COPS5: variants seen among roughly 807,000 people sequenced by gnomAD.
COPS5 encodes the protein COP9 signalosome subunit 5.
In COPS5, 8 loss-of-function variants were observed where a neutral mutation model predicts 44.4. The ratio of observed to expected loss-of-function variants is 0.18; its 90% CI spans 0.11 to 0.32. The LOEUF (loss-of-function observed/expected upper bound fraction) is 0.32, where lower values mean the gene tolerates loss of function less well. Among genes scored for constraint, COPS5 ranks in the 10% least tolerant of loss-of-function variants. The pLI is 1.00. For missense variants in COPS5, 159 were observed against 406.4 expected, an observed-to-expected ratio of 0.39 and a Z score of 5.23; for synonymous variants, 122 against 142.8, an observed-to-expected ratio of 0.85 and a Z score of 1.04.
chr8:67,052,764 G>A (rs1295543143), intron 5 of COPS5, among the ~76,000 whole-genome samples: 1 of 148,850 alleles, frequency 6.7e-6, no homozygotes, highest in East Asian at 2.1e-4. Context: ...AGGTTGAAGT[G>A]AGCCGAGATC....
At chr8:67,057,358 T>TC in intron 4 of COPS5, 22 bp downstream of exon 4, 1 of 1,543,144 alleles carries the variant, frequency 6.5e-7, no homozygotes, top group Admixed American at 1.7e-5. Flanking sequence ...AGACTCTAAC[T>TC]CTTAAAAAAA....
intron 7 of COPS5, chr8:67,045,486 T>TAC (rs139668268): frequency 2.3e-4 from 52 of 225,932 alleles, no homozygotes; most frequent in Non-Finnish European, 3.5e-4. Flanking sequence ...TACACACACA[T>TAC]ACACACACAC....
intron 5 of COPS5, among the ~76,000 whole-genome samples, chr8:67,054,197 T>C (rs2129537900): frequency 6.6e-6 from 1 of 152,038 alleles, no homozygotes; most frequent in Non-Finnish European, 1.5e-5. Flanking sequence ...AAAAAGTTAT[T>C]TAAGGAAGAC....
At chr8:67,061,831 C>A (rs776174581) in intron 1 of COPS5, 23 bp downstream of exon 1, 1 of 1,612,600 alleles carries the variant, frequency 6.2e-7, no homozygotes, top group Non-Finnish European at 8.5e-7. Context: ...CCCTCCCCTG[C>A]GTCTCGCCAG....
chr8:67,044,800 A>C (rs1816679689), intron 7 of COPS5: 2 of 151,816 alleles, frequency 1.3e-5, no homozygotes, highest in South Asian at 4.2e-4. Context: ...GGGTTTCACC[A>C]TGTTGGCCAG....
intron 6 of COPS5, among the ~76,000 whole-genome samples, chr8:67,050,090 C>T (rs1225612519): frequency 6.6e-6 from 1 of 151,766 alleles, no homozygotes; most frequent in African/African-American, 2.4e-5. Context: ...AGGCTCTGCC[C>T]CCCGGGGCTC....
At chr8:67,058,026 A>C in intron 3 of COPS5, 57 bp downstream of exon 3, 1 of 1,570,720 alleles carries the variant, frequency 6.4e-7, no homozygotes. Context: ...TTCTCAGTAT[A>C]CTTGCTTCAG....
chr8:67,043,346 G>A (rs1340808728), intron 7 of COPS5, 29 bp from the exon 8 acceptor site: 2 of 1,363,462 alleles, frequency 1.5e-6, no homozygotes, highest in East Asian at 2.3e-5. Context: ...ATCACATGAT[G>A]TCATAAATTG....
At chr8:67,052,936 G>A (rs1445697155) in intron 5 of COPS5, among the ~76,000 whole-genome samples, 1 of 151,956 alleles carries the variant, frequency 6.6e-6, no homozygotes, top group Non-Finnish European at 1.5e-5. Flanking sequence ...TCAAAGGGGT[G>A]TTTTATAGTA....
chr8:67,047,675 G>A (rs1282348037), intron 6 of COPS5: 2 of 607,016 alleles, frequency 3.3e-6, no homozygotes, highest in Non-Finnish European at 5.9e-6. Context: ...AGGGAGAAAT[G>A]TAATTTAACC....
chr8:67,054,395 G>A (rs1175641567), intron 5 of COPS5, among the ~76,000 whole-genome samples: 1 of 152,128 alleles, frequency 6.6e-6, no homozygotes, highest in African/African-American at 2.4e-5. Context: ...AGGCTTAGGA[G>A]CAATTCTCTC....
At chr8:67,050,357 T>C (rs16933148) in intron 6 of COPS5, among the ~76,000 whole-genome samples, 7,321 of 152,234 alleles carry the variant, frequency 0.048, 268 homozygotes, top group African/African-American at 0.096. Context: ...TGATTCACTC[T>C]GGGAACCTCT....
At chr8:67,060,452 C>T in intron 1 of COPS5, 1 of 1,289,186 alleles carries the variant, frequency 7.8e-7, no homozygotes, top group Non-Finnish European at 1.0e-6. Context: ...AATTTAATTC[C>T]TAAGCTTTGC....
At chr8:67,058,530 T>C (rs1047721648) in intron 2 of COPS5, among the ~76,000 whole-genome samples, 1 of 152,224 alleles carries the variant, frequency 6.6e-6, no homozygotes, top group Non-Finnish European at 1.5e-5. Context: ...CATCAATATA[T>C]ATGATGGTTA....
At chr8:67,046,547 G>A (rs867042602) in intron 6 of COPS5, among the ~76,000 whole-genome samples, 4 of 151,946 alleles carry the variant, frequency 2.6e-5, no homozygotes, top group Admixed American at 1.3e-4. Flanking sequence ...TGGGTCGGGC[G>A]CGGTGGCTCA....
At chr8:67,054,261 C>T (rs561042673) in intron 5 of COPS5, among the ~76,000 whole-genome samples, 9 of 152,114 alleles carry the variant, frequency 5.9e-5, no homozygotes, top group South Asian at 4.1e-4. Context: ...TGTTTGAATA[C>T]GGAAAACATA....
intron 5 of COPS5, among the ~76,000 whole-genome samples, chr8:67,053,672 G>A (rs887612265): frequency 1.3e-5 from 2 of 150,312 alleles, no homozygotes; most frequent in African/African-American, 4.9e-5. Flanking sequence ...CTGTACTCCA[G>A]CCTGGGTGAC....
chr8:67,061,712 T>C lies in COPS5; in HGVS notation c.143+142A>G. ...GAAAGCCCCAGCGGAGGGCTTAGGC[T>C]CTACTTGCAGATCCAAGACGCATAT... On this transcript the variant is annotated intron_variant, in intron 1 of 7. Transcript: ENST00000357849. 4.9e-6 allele frequency: 4 copies of C among 819,616 alleles called. No homozygotes were observed. The East Asian group carries it at 1.0e-4, about 20-fold the overall frequency. The allele number at this position is 819,616 out of a possible 1,614,324, so 50.8% of individuals were successfully genotyped here. A position where few individuals can be genotyped will look rare whatever the true frequency, so the allele number is the denominator to read the frequency against.
chr8:67,053,348 C>T (rs1464491445), intron 5 of COPS5, among the ~76,000 whole-genome samples: 1 of 151,094 alleles, frequency 6.6e-6, no homozygotes, highest in Non-Finnish European at 1.5e-5. Flanking sequence ...CCTCAGACTC[C>T]CAAAGTGCAA....
Sources: allele counts gnomAD v4.1 joint callset (sites outside exome capture counted in the v4.1 genomes callset), GRCh38; gene constraint gnomAD v4.1.1; transcripts MANE v1.5; gene names NCBI Gene and HGNC (gene_info 2026-07-23, HGNC 2026-07-21).